Variants in TACC1 observed in about 807,000 individuals in gnomAD.
The protein encoded by TACC1 is transforming acidic coiled-coil-containing protein 1.
A neutral mutation model predicts 84.4 loss-of-function variants in TACC1; 48 were observed. The ratio of observed to expected loss-of-function variants is 0.57; its 90% CI spans 0.45 to 0.72. TACC1 has a LOEUF of 0.72. TACC1 is among the 30% of genes least tolerant of loss of function. The pLI is 0.00. For missense variants in TACC1, 920 were observed against 973.0 expected (o/e 0.95, Z 0.72); for synonymous variants, 372 against 376.3 (o/e 0.99, Z 0.13).
chr8:38,749,206 T>G (rs912580386), intron 3 of TACC1, among the ~76,000 whole-genome samples: 1 of 152,182 alleles, frequency 6.6e-6, no homozygotes, highest in Non-Finnish European at 1.5e-5. Flanking sequence ...AATACATAAA[T>G]TATAAATCTA....
chr8:38,780,230 T>C (rs1008734741), intron 3 of TACC1, among the ~76,000 whole-genome samples: 1 of 152,246 alleles, frequency 6.6e-6, no homozygotes. Flanking sequence ...ATCTAATCCA[T>C]CTGGAATTTA....
At chr8:38,776,357 C>A (rs976433724) in intron 3 of TACC1, among the ~76,000 whole-genome samples, 10 of 152,180 alleles carry the variant, frequency 6.6e-5, no homozygotes, top group Admixed American at 2.0e-4. Context: ...ATCCACGGGG[C>A]AGGCTTGAGT....
chr8:38,791,919 C>T (rs1360570664), intron 2 of TACC1, among the ~76,000 whole-genome samples: 1 of 152,162 alleles, frequency 6.6e-6, no homozygotes, highest in Non-Finnish European at 1.5e-5. Context: ...ACATCTAAGA[C>T]TATTTTGAAA....
chr8:38,766,867 C>T (rs1427507016), intron 3 of TACC1, among the ~76,000 whole-genome samples: 4 of 152,202 alleles, frequency 2.6e-5, no homozygotes, highest in Non-Finnish European at 5.9e-5. Flanking sequence ...CAGAGTGTTT[C>T]TGCCACCCAG....
chr8:38,783,094 C>CTATATATA (rs1334969233), upstream of TACC1, among the ~76,000 whole-genome samples: 4 of 116,826 alleles, frequency 3.4e-5, no homozygotes, highest in Non-Finnish European at 6.6e-5. Flanking sequence ...ATCTATCTAT[C>CTATATATA]TATCTATCTA....
intron 11 of TACC1, 65 bp from the exon 12 acceptor site, chr8:38,846,634 T>G (rs1184932358): frequency 6.3e-7 from 1 of 1,593,334 alleles, no homozygotes; most frequent in Non-Finnish European, 8.6e-7. Flanking sequence ...GTATCCTGAC[T>G]GGCTTTGACT....
chr8:38,830,597 A>C (rs981477294), intron 5 of TACC1, among the ~76,000 whole-genome samples: 1 of 151,944 alleles, frequency 6.6e-6, no homozygotes, highest in East Asian at 1.9e-4. Flanking sequence ...GTCATCCTCT[A>C]CCCTAGTAGA....
intron 2 of TACC1, among the ~76,000 whole-genome samples, chr8:38,814,677 A>G (rs965638077): frequency 1.3e-5 from 2 of 152,250 alleles, no homozygotes; most frequent in East Asian, 1.9e-4. Flanking sequence ...TGTATTCCCT[A>G]TTCCACAGAA....
At chr8:38,787,890 C>T (rs745707153) in intron 1 of TACC1, 147 bp downstream of exon 1, 25 of 771,214 alleles carry the variant, frequency 3.2e-5, no homozygotes, top group Non-Finnish European at 4.2e-5. Flanking sequence ...TCCCCGTGTG[C>T]GTCCGAAAGT....
At chr8:38,760,953 T>G (rs1183534716) in intron 3 of TACC1, among the ~76,000 whole-genome samples, 1 of 152,192 alleles carries the variant, frequency 6.6e-6, no homozygotes, top group Non-Finnish European at 1.5e-5. Flanking sequence ...GCTGGGCTCT[T>G]TGGAAGGTAT....
chr8:38,790,963 C>A lies in TACC1; in HGVS notation c.277+2144C>A, dbSNP rs116198855. The stretch of plus-strand genomic sequence containing the variant: ...TATTCCTCATAGCTTCCCTTTTCTT[C>A]CGTAAAGATTGGCAGATCAGAAGGG... On this transcript the variant is annotated intron_variant, in intron 2 of 12. Transcript: ENST00000317827. Among the ~76,000 whole-genome samples, 1,336 of 152,240 alleles carry A rather than the reference C, an allele frequency of 8.8e-3. 24 individuals carry two copies. Among genetic ancestry groups the A allele is most frequent in the African/African-American group, 0.03 (1,265 of 41,524 alleles).
chr8:38,791,842 G>C (rs534649570), intron 2 of TACC1, among the ~76,000 whole-genome samples: 1 of 152,144 alleles, frequency 6.6e-6, no homozygotes, highest in Admixed American at 6.5e-5. Context: ...CCTCAAACGT[G>C]TGGGCTACAT....
intron 1 of TACC1, among the ~76,000 whole-genome samples, chr8:38,738,367 C>T (rs117307263): frequency 0.014 from 2,085 of 152,162 alleles, 25 homozygotes; most frequent in Middle Eastern, 0.034. Context: ...CCTCGGCTTC[C>T]CAAAGTGCTG....
At chr8:38,823,895 A>G in intron 3 of TACC1, 1 of 890,404 alleles carries the variant, frequency 1.1e-6, no homozygotes, top group Non-Finnish European at 1.7e-6. Context: ...CAGCTTTTAC[A>G]TCTGCCAGAC....
chr8:38,832,855 T>G (rs1022962899), intron 6 of TACC1, among the ~76,000 whole-genome samples: 20 of 152,232 alleles, frequency 1.3e-4, no homozygotes, highest in Admixed American at 1.2e-3. Flanking sequence ...TGCCACAGAT[T>G]AGTGATGCGA....
In TACC1 at chr8:38,800,697, A is replaced by G. The variant is rs1187358142; in HGVS notation, c.277+11878A>G. Among the ~76,000 whole-genome samples the G allele has an allele frequency of 2.0e-5, 3 of 152,312 alleles. No homozygotes were observed. The East Asian group carries it at 5.8e-4, about 29-fold the overall frequency. ...ATTTGGGTTATTTACACTTTTGGCT[A>G]TGATGAATAATGCTGCTATGAACAT... On this transcript the variant is annotated intron_variant, in intron 2 of 12. Transcript: ENST00000317827.
rs10680579 is a variant in TACC1, at chr8:38,755,812, C to CATTATTATT, written c.26+10330_26+10338dup. On this transcript the variant is annotated intron_variant, in intron 3 of 14. Transcript: ENST00000518415. ...GTGAAAGATAGACAAGTGAAGAGAT[C>CATTATTATT]ATTATTATTATTATTATTAGAGATG... is the stretch of plus-strand genomic sequence containing the variant. 8.0e-5 allele frequency among the ~76,000 whole-genome samples: 12 copies of CATTATTATT among 149,922 alleles called. 1 individual carries two copies. In the South Asian group the frequency reaches 8.6e-4, roughly 11 times the overall value.
chr8:38,793,560 TAAAA>T (rs965040157), intron 2 of TACC1, among the ~76,000 whole-genome samples: 2 of 150,176 alleles, frequency 1.3e-5, no homozygotes, highest in Admixed American at 6.7e-5. Flanking sequence ...AAGTAGTTCT[TAAAA>T]AAAAACAAAA....
At position 38,848,121 on chromosome 8, in the gene TACC1, G is replaced by C; in HGVS notation, c.*98G>C. The C allele has an allele frequency of 1.0e-6, 1 of 974,134 alleles. No individual in the cohort carries two copies. The allele number at this position is 974,134 out of a possible 1,614,324, so 60.3% of individuals were successfully genotyped here. ...CCAGGAATAATTGCCCCTTTGCAGA[G>C]AAAAAAAAAAACTTAAAAAAAGCAC... On this transcript the variant is annotated 3_prime_UTR_variant, in exon 13 of 13. Transcript: ENST00000317827.
Sources: allele counts gnomAD v4.1 joint callset (sites outside exome capture counted in the v4.1 genomes callset), GRCh38; gene constraint gnomAD v4.1.1; transcripts MANE v1.5; gene names NCBI Gene and HGNC (gene_info 2026-07-23, HGNC 2026-07-21).